Variants in EPC2 observed in about 807,000 individuals in gnomAD.
EPC2 encodes the protein enhancer of polycomb 2.
A neutral mutation model predicts 92.1 loss-of-function variants in EPC2; 14 were observed. The observed-to-expected ratio is 0.15, with a 90% CI of 0.10 to 0.24. EPC2 has a LOEUF of 0.24. Ranked by LOEUF, EPC2 falls within the 10% of genes least tolerant of loss-of-function variation. EPC2 has a pLI of 1.00. For synonymous variants in EPC2, 340 were observed against 334.7 expected (o/e 1.02, Z -0.17); for missense variants, 755 against 971.5 (o/e 0.78, Z 2.96).
At chr2:148,697,174 C>T (rs1026719193) in intron 2 of EPC2, among the ~76,000 whole-genome samples, 5 of 152,204 alleles carry the variant, frequency 3.3e-5, no homozygotes, top group African/African-American at 1.2e-4. Context: ...CCATCTGGCT[C>T]CAGAGTGTGC....
At chr2:148,710,058 G>A (rs1682103451) in intron 2 of EPC2, among the ~76,000 whole-genome samples, 1 of 152,116 alleles carries the variant, frequency 6.6e-6, no homozygotes, top group Non-Finnish European at 1.5e-5. Context: ...GATTGAACAG[G>A]CAACCTACAG....
intron 2 of EPC2, among the ~76,000 whole-genome samples, chr2:148,707,046 A>T (rs1024667686): frequency 6.6e-6 from 1 of 152,202 alleles, no homozygotes; most frequent in Non-Finnish European, 1.5e-5. Flanking sequence ...TAAAAGACAC[A>T]GACTGGAAAT....
At chr2:148,764,836 A>G (rs924019744) in intron 6 of EPC2, 119 bp from the exon 7 acceptor site, 22 of 752,558 alleles carry the variant, frequency 2.9e-5, no homozygotes, top group African/African-American at 2.5e-4. Flanking sequence ...GCGTATTAAA[A>G]ACAATAAAAT....
intron 2 of EPC2, among the ~76,000 whole-genome samples, chr2:148,698,596 A>G (rs1020514269): frequency 3.1e-4 from 39 of 126,468 alleles, no homozygotes; most frequent in African/African-American, 1.0e-3. Flanking sequence ...AGATCGTGCC[A>G]TTGCACTCCA....
intron 2 of EPC2, among the ~76,000 whole-genome samples, chr2:148,741,653 A>G (rs551028766): frequency 1.3e-5 from 2 of 152,320 alleles, no homozygotes; most frequent in East Asian, 1.9e-4. Flanking sequence ...GACAGCCTCT[A>G]TATAACCAAC....
chr2:148,678,822 A>C (rs1681332086), intron 1 of EPC2, among the ~76,000 whole-genome samples: 1 of 152,220 alleles, frequency 6.6e-6, no homozygotes, highest in South Asian at 2.1e-4. Flanking sequence ...TGGCCAGCCC[A>C]GAAAGGGGCT....
intron 6 of EPC2, among the ~76,000 whole-genome samples, 198 bp from the exon 7 acceptor site, chr2:148,764,756 CA>C (rs149179340): frequency 0.016 from 2,500 of 151,998 alleles, 60 homozygotes; most frequent in African/African-American, 0.055. Context: ...ATTTAAATAC[CA>C]TAATTATTTT....
intron 1 of EPC2, among the ~76,000 whole-genome samples, chr2:148,682,483 G>A (rs1360663973): frequency 6.6e-6 from 1 of 152,144 alleles, no homozygotes; most frequent in African/African-American, 2.4e-5. Context: ...TGCATTGAGT[G>A]CACACCAAAA....
intron 2 of EPC2, among the ~76,000 whole-genome samples, chr2:148,742,109 ACTAT>A (rs1682889676): frequency 6.6e-6 from 1 of 151,814 alleles, no homozygotes; most frequent in African/African-American, 2.4e-5. Context: ...GTATGTGTAA[ACTAT>A]CATTTATCTA....
At chr2:148,674,737 T>C (rs1013173282) in intron 1 of EPC2, among the ~76,000 whole-genome samples, 4 of 152,222 alleles carry the variant, frequency 2.6e-5, no homozygotes, top group Non-Finnish European at 5.9e-5. Context: ...GAAGGGCTTA[T>C]GGCCTTTTAA....
At chr2:148,733,090 A>ATTTTTTTTTTTTTTTTTTTTTTGAGACGG in intron 2 of EPC2, among the ~76,000 whole-genome samples, 1 of 150,678 alleles carries the variant, frequency 6.6e-6, no homozygotes, top group Non-Finnish European at 1.5e-5. Flanking sequence ...TTTATTTTTT[A>ATTTTTTTTTTTTTTTTTTTTTTGAGACGG]AAGAATAATA....
chr2:148,707,818 A>G (rs1328310249), intron 2 of EPC2, among the ~76,000 whole-genome samples: 3 of 152,252 alleles, frequency 2.0e-5, no homozygotes, highest in Non-Finnish European at 2.9e-5. Flanking sequence ...AAGACACAAC[A>G]TACCGGAATC....
chr2:148,670,158 A>C (rs929807862), intron 1 of EPC2, among the ~76,000 whole-genome samples: 1 of 152,078 alleles, frequency 6.6e-6, no homozygotes, highest in Admixed American at 6.5e-5. Context: ...CTCTTGCTCC[A>C]TACTCTGGGA....
intron 1 of EPC2, among the ~76,000 whole-genome samples, chr2:148,652,799 C>G (rs1183697564): frequency 6.6e-6 from 1 of 152,140 alleles, no homozygotes; most frequent in African/African-American, 2.4e-5. Flanking sequence ...CGTCCTCTAT[C>G]TAATATTAAT....
Position 148,784,809 on chromosome 2 carries a change from T to C in EPC2, c.2159T>C (p.Leu720Pro). 6.2e-7 allele frequency: 1 copy of C among 1,613,988 alleles called. No individual in the cohort carries two copies. Among genetic ancestry groups the C allele is most frequent in the Middle Eastern group, 1.6e-4 (1 of 6,062 alleles). The change falls in exon 13 of 14, where the codon CTT becomes CCT. Residue 720 changes from leucine to proline, a missense_variant. Transcript: ENST00000258484. ...TTGTGCACAAGCAGTCCTCAGACAC[T>C]TCCCATGAACAATTCCTGCCTGACA... ...PALCTSSPQT[L>P]PMNNSCLTNA...
chr2:148,695,301 GA>G (rs1681723235), intron 2 of EPC2, among the ~76,000 whole-genome samples: 1 of 152,212 alleles, frequency 6.6e-6, no homozygotes, highest in Non-Finnish European at 1.5e-5. Flanking sequence ...GTCAGGCAGA[GA>G]GAGGAATGCA....
chr2:148,667,257 G>C (rs998932166), intron 1 of EPC2, among the ~76,000 whole-genome samples: 2 of 152,152 alleles, frequency 1.3e-5, no homozygotes, highest in African/African-American at 4.8e-5. Context: ...AGACCTCAGG[G>C]TCACATAGCA....
At chr2:148,779,245 T>C (rs1683704524) in intron 10 of EPC2, among the ~76,000 whole-genome samples, 1 of 152,228 alleles carries the variant, frequency 6.6e-6, no homozygotes, top group African/African-American at 2.4e-5. Flanking sequence ...TTTTGTTATC[T>C]ATGGTCTACC....
intron 2 of EPC2, among the ~76,000 whole-genome samples, chr2:148,714,662 A>G (rs1455778838): frequency 6.6e-6 from 1 of 152,182 alleles, no homozygotes; most frequent in African/African-American, 2.4e-5. Context: ...TCTAATGATC[A>G]GTGGTGTTGA....
Sources: allele counts gnomAD v4.1 joint callset (sites outside exome capture counted in the v4.1 genomes callset), GRCh38; gene constraint gnomAD v4.1.1; transcripts MANE v1.5; gene names NCBI Gene and HGNC (gene_info 2026-07-23, HGNC 2026-07-21).